EPHB2: variants seen among roughly 807,000 people sequenced by gnomAD.
EPHB2 encodes the protein ephrin type-B receptor 2.
EPHB2 carries 18 observed loss-of-function variants against 96.4 expected under a neutral mutation model. The ratio of observed to expected loss-of-function variants is 0.19; its 90% CI spans 0.13 to 0.28. The LOEUF (loss-of-function observed/expected upper bound fraction) is 0.28. EPHB2 is among the 10% of genes least tolerant of loss of function. EPHB2 has a pLI of 1.00. For missense variants in EPHB2, 989 were observed against 1,355.4 expected (o/e 0.73, Z 4.25); for synonymous variants, 506 against 534.1 (o/e 0.95, Z 0.72).
intron 3 of EPHB2, among the ~76,000 whole-genome samples, chr1:22,838,955 GA>G (rs1028499355): frequency 2.0e-5 from 2 of 98,836 alleles, no homozygotes; most frequent in African/African-American, 3.1e-5. Flanking sequence ...AACAAAAAAA[GA>G]AAAAAAGAAA....
intron 3 of EPHB2, among the ~76,000 whole-genome samples, chr1:22,851,758 T>C (rs1019923337): frequency 2.6e-5 from 4 of 152,216 alleles, no homozygotes; most frequent in Middle Eastern, 3.2e-3. Flanking sequence ...CCTGAACTAT[T>C]TGTAGCTCTC....
chr1:22,722,480 G>A (rs1203606960), intron 1 of EPHB2, among the ~76,000 whole-genome samples: 2 of 152,192 alleles, frequency 1.3e-5, no homozygotes, highest in African/African-American at 4.8e-5. Context: ...GAGGTTCAAT[G>A]ACTTACTCAA....
intron 9 of EPHB2, among the ~76,000 whole-genome samples, chr1:22,905,010 G>A (rs1430701998): frequency 6.6e-6 from 1 of 152,226 alleles, no homozygotes; most frequent in Non-Finnish European, 1.5e-5. Flanking sequence ...GATGCTGGAA[G>A]AGCCAGAGGA....
chr1:22,754,704 C>T (rs2148384557), intron 1 of EPHB2, among the ~76,000 whole-genome samples: 1 of 146,488 alleles, frequency 6.8e-6, no homozygotes, highest in African/African-American at 2.6e-5. Flanking sequence ...GTTGCCTCCC[C>T]TACACGTGTC....
At position 22,910,326 on chromosome 1, in the gene EPHB2, G is replaced by A; in HGVS notation, c.2503-56G>A. The A allele has an allele frequency of 1.9e-6, 3 of 1,607,344 alleles. No homozygotes were observed. In the South Asian group the frequency reaches 3.3e-5, roughly 18 times the overall value. On this transcript the variant is annotated intron_variant, in intron 13 of 15. Coordinates refer to ENST00000374630, the MANE Select transcript of EPHB2 (RefSeq NM_017449.5). ...CTGGGGGTAAGATGGGCCTGGCAGA[G>A]GGTAGACGCCCTCAGCCCATCCACC...
At position 22,913,747 on chromosome 1, in the gene EPHB2, C is replaced by T. The variant is rs771863033; in HGVS notation, c.*177C>T. The T allele has an allele frequency of 1.9e-5, 30 of 1,599,526 alleles. No individual in the cohort carries two copies. The African/African-American group carries it at 2.7e-4, about 14-fold the overall frequency. The stretch of plus-strand genomic sequence containing the variant: ...TCACCAAGAAAACATGCAACTCAAA[C>T]GACGGAAAAAAAAAGGGAATGGGAA... On this transcript the variant is annotated 3_prime_UTR_variant, in exon 16 of 16. Transcript: ENST00000374630. This position sits in a 1 kb window ranked among gnomAD's most constrained non-coding sequence, Gnocchi z 4.1.
chr1:22,835,093 TA>T (rs1645360328), intron 3 of EPHB2, among the ~76,000 whole-genome samples: 2 of 151,412 alleles, frequency 1.3e-5, no homozygotes, highest in Admixed American at 1.3e-4. Context: ...AAGGGGTACC[TA>T]TTGGCCGGGC....
Position 22,788,771 on chromosome 1 carries a change from T to G in EPHB2, c.811+3695T>G, listed in dbSNP as rs1487203269. Among the ~76,000 whole-genome samples, 22 of 143,054 alleles carry G rather than the reference T, an allele frequency of 1.5e-4. 4 individuals carry two copies. The highest frequency in any genetic ancestry group is 1.0e-3 in the East Asian group (4 of 3,860). The allele number at this position is 143,054 out of a possible 152,430, so 93.8% of individuals were successfully genotyped here. A position where few individuals can be genotyped will look rare whatever the true frequency, so the allele number is the denominator to read the frequency against. ...TGTTTTTGTTTTTTTTTTTTTTTTT[T>G]TGTGACAGGGTCTCACTTTATCACT... On this transcript the variant is annotated intron_variant, in intron 3 of 15. Transcript: ENST00000374630.
At chr1:22,849,712 G>A (rs751335387) in intron 3 of EPHB2, among the ~76,000 whole-genome samples, 2 of 152,134 alleles carry the variant, frequency 1.3e-5, no homozygotes, top group African/African-American at 4.8e-5. Context: ...ACTCTAAGTC[G>A]GCACAGGAAG....
At chr1:22,809,008 C>G (rs1179320368) in intron 3 of EPHB2, among the ~76,000 whole-genome samples, 2 of 152,254 alleles carry the variant, frequency 1.3e-5, no homozygotes, top group Non-Finnish European at 2.9e-5. Context: ...GGAGAACAGA[C>G]AGCTGAGTCA....
chr1:22,724,164 C>T lies in EPHB2; in HGVS notation c.61+13121C>T, dbSNP rs151280719. The stretch of plus-strand genomic sequence containing the variant: ...CTGTCTAGCCTTCACCTAGATTCAA[C>T]AATCATCAACATGTTTACCACATTT... On this transcript the variant is annotated intron_variant, in intron 1 of 15. Transcript: ENST00000374630. Among the ~76,000 whole-genome samples, 649 of 152,322 alleles carry T rather than the reference C, an allele frequency of 4.3e-3. 7 individuals are homozygous for T. Among genetic ancestry groups the T allele is most frequent in the African/African-American group, 0.015 (630 of 41,566 alleles).
chr1:22,837,972 G>T (rs918634881), intron 3 of EPHB2, among the ~76,000 whole-genome samples: 4 of 152,202 alleles, frequency 2.6e-5, no homozygotes, highest in Non-Finnish European at 5.9e-5. Context: ...TCAAGGAATA[G>T]GGGAGCTTGG....
chr1:22,863,000 C>G (rs779211309), intron 3 of EPHB2, 37 bp from the exon 4 acceptor site: 18 of 1,613,768 alleles, frequency 1.1e-5, no homozygotes, highest in Non-Finnish European at 1.4e-5. Context: ...GAGTCTTCAT[C>G]CAGTTTCCTG....
intron 9 of EPHB2, among the ~76,000 whole-genome samples, chr1:22,900,368 A>G (rs542867769): frequency 6.6e-6 from 1 of 152,342 alleles, no homozygotes. Context: ...TCGTGATCAT[A>G]GATGTGGCTA....
chr1:22,892,785 A>G (rs376046293), intron 6 of EPHB2, 99 bp from the exon 7 acceptor site: 129 of 1,461,802 alleles, frequency 8.8e-5, no homozygotes, highest in Non-Finnish European at 1.2e-4. Context: ...ATGTTTATCC[A>G]ATGGCCAGAC....
intron 3 of EPHB2, among the ~76,000 whole-genome samples, chr1:22,792,904 G>A (rs902217300): frequency 1.3e-5 from 2 of 152,208 alleles, no homozygotes; most frequent in African/African-American, 4.8e-5. Context: ...GAGGCACCCA[G>A]CCCATCCAGG....
At chr1:22,873,686 C>A (rs1367556772) in intron 5 of EPHB2, among the ~76,000 whole-genome samples, 1 of 152,224 alleles carries the variant, frequency 6.6e-6, no homozygotes, top group Admixed American at 6.5e-5. Flanking sequence ...CAGAGATCCA[C>A]ACTCCTCAGC....
chr1:22,813,347 G>A (rs1645028811), intron 3 of EPHB2, among the ~76,000 whole-genome samples: 1 of 152,232 alleles, frequency 6.6e-6, no homozygotes, highest in Non-Finnish European at 1.5e-5. Flanking sequence ...CTGACTTGAA[G>A]GTGTAGAGTA....
At chr1:22,759,051 A>G (rs998982631) in intron 1 of EPHB2, among the ~76,000 whole-genome samples, 11 of 152,088 alleles carry the variant, frequency 7.2e-5, no homozygotes, top group Admixed American at 3.3e-4. Context: ...TTGGTTACCT[A>G]GTTAACTCAT....
Sources: gnomAD v4.1 joint callset for allele counts (sites outside exome capture counted in the v4.1 genomes callset) on GRCh38, gnomAD v4.1.1 for gene constraint, Gnocchi (gnomAD v3.1) non-coding constraint, MANE v1.5 for transcripts, NCBI Gene and HGNC (gene_info 2026-07-23, HGNC 2026-07-21) for gene names.